Variants in CHMP4C observed in about 807,000 individuals in gnomAD.
CHMP4C encodes the protein SNF7 homolog associated with Alix 3.
Under a neutral mutation model 29.0 loss-of-function variants are expected in CHMP4C, and 28 were observed. The ratio of observed to expected loss-of-function variants is 0.97; its 90% confidence interval spans 0.72 to 1.32. The LOEUF is 1.32. CHMP4C is among the 40% of genes most tolerant of loss of function. CHMP4C has a pLI of 0.00. For missense variants in CHMP4C, 291 were observed against 281.0 expected (o/e 1.04, Z -0.25); for synonymous variants, 106 against 102.4 (o/e 1.04, Z -0.21).
chr8:81,758,195 G>C lies in CHMP4C; in HGVS notation c.537G>C (p.Lys179Asn), dbSNP rs776050101. The C allele has an allele frequency of 1.2e-6, 2 of 1,613,848 alleles. No homozygotes were observed. The highest frequency in any genetic ancestry group is 1.7e-6 in the Non-Finnish European group (2 of 1,179,858). Residue 179 changes from lysine to asparagine, a missense_variant, in exon 4 of 5, where the codon AAG (lysine) becomes AAC (asparagine). Lys to Asn is a moderately conservative substitution (Grantham distance 94). Coordinates refer to ENST00000297265, the MANE Select transcript of CHMP4C (RefSeq NM_152284.4). ...TGGAACAGGAGGAATTAAATAAGAAGATGACAAATATCCGCCTTCCAAATG... is the reference window on the plus strand; with the variant it reads ...TGGAACAGGAGGAATTAAATAAGAACATGACAAATATCCGCCTTCCAAATG... ...EELEQEELNK[K>N]MTNIRLPNVP...
chr8:81,737,204 G>A (rs759573570), intron 1 of CHMP4C, among the ~76,000 whole-genome samples: 17 of 152,232 alleles, frequency 1.1e-4, no homozygotes, highest in African/African-American at 3.1e-4. Flanking sequence ...TGAGCACTGC[G>A]TCTTAAATAG....
intron 4 of CHMP4C, 91 bp downstream of exon 4, chr8:81,758,386 A>G: frequency 1.3e-6 from 2 of 1,564,554 alleles, no homozygotes; most frequent in Non-Finnish European, 1.8e-6. Flanking sequence ...TTGATTTCAA[A>G]CTGAACACAT....
chr8:81,758,134 G>A lies in CHMP4C; in HGVS notation c.484-8G>A. The A allele has an allele frequency of 2.5e-6, 4 of 1,613,224 alleles. No homozygotes were observed. Among genetic ancestry groups the A allele is most frequent in the Middle Eastern group, 1.7e-4 (1 of 6,050 alleles). On this transcript the variant is annotated splice_polypyrimidine_tract_variant and splice_region_variant and intron_variant, in intron 3 of 4. Coordinates refer to ENST00000297265, the MANE Select transcript of CHMP4C (RefSeq NM_152284.4). ...AACTCCATAATTCTTCCTTTCTCCT[G>A]TGTTCAGGATGAGTTGATGGCAGAA...
At chr8:81,752,721 T>G (rs16909559) in intron 1 of CHMP4C, among the ~76,000 whole-genome samples, 14,698 of 152,240 alleles carry the variant, frequency 0.097, 915 homozygotes, top group East Asian at 0.24. Flanking sequence ...TGGTTTACTT[T>G]TCTATTGTAT....
At chr8:81,744,529 A>G (rs1040388342) in intron 1 of CHMP4C, among the ~76,000 whole-genome samples, 5 of 152,216 alleles carry the variant, frequency 3.3e-5, no homozygotes, top group Non-Finnish European at 7.3e-5. Flanking sequence ...CTGTTGAACA[A>G]GGTTACTGCT....
intron 1 of CHMP4C, among the ~76,000 whole-genome samples, chr8:81,738,797 T>C (rs1216699120): frequency 1.3e-5 from 2 of 152,242 alleles, no homozygotes; most frequent in Non-Finnish European, 2.9e-5. Context: ...TCAGATCACC[T>C]GCATCACAAT....
In CHMP4C at chr8:81,758,865, G is replaced by A. The variant is rs1809005595; in HGVS notation, c.*321G>A. 1 of 204,180 alleles carries A rather than the reference G, an allele frequency of 4.9e-6. No individual in the cohort carries two copies. The highest frequency in any genetic ancestry group is 2.3e-5 in the African/African-American group (1 of 42,786). 12.6% of individuals were successfully genotyped at this position (204,180 alleles called of 1,614,324 possible). Reference sequence around the variant, plus strand: ...AAAATACAAAAATTAGCCGGACATGGTGGCAGGCACCTGTAATCCCAGCTA... The same window carrying A: ...AAAATACAAAAATTAGCCGGACATGATGGCAGGCACCTGTAATCCCAGCTA... On this transcript the variant is annotated 3_prime_UTR_variant, in exon 5 of 5. Transcript: ENST00000297265.
chr8:81,753,234 G>A lies in CHMP4C; in HGVS notation c.361G>A (p.Glu121Lys), dbSNP rs1808930975. 6.2e-7 allele frequency: 1 copy of A among 1,600,226 alleles called. No homozygotes were observed. The highest frequency in any genetic ancestry group is 8.5e-7 in the Non-Finnish European group (1 of 1,173,608). ...FAAKAMKSVH[E>K]NMDLNKIDDL... ...AGCAAAAGCGATGAAATCTGTTCATGAAAACATGTGAGTGACTCTGGTCTC... is the reference window on the plus strand; with the variant it reads ...AGCAAAAGCGATGAAATCTGTTCATAAAAACATGTGAGTGACTCTGGTCTC... The change falls in exon 2 of 5, where the codon GAA becomes AAA. Residue 121 changes from glutamate (E) to lysine (K), a missense_variant. Glu to Lys is a moderately conservative substitution (Grantham distance 56). Transcript: ENST00000297265.
chr8:81,754,936 T>C (rs1808951380), intron 2 of CHMP4C, among the ~76,000 whole-genome samples: 1 of 152,088 alleles, frequency 6.6e-6, no homozygotes, highest in South Asian at 2.1e-4. Context: ...ACCCAGTGTT[T>C]AGCTTCAACA....
intron 1 of CHMP4C, among the ~76,000 whole-genome samples, chr8:81,750,540 G>A (rs771502793): frequency 2.4e-4 from 36 of 151,978 alleles, no homozygotes; most frequent in Non-Finnish European, 4.9e-4. Flanking sequence ...AGGAGTTCAA[G>A]GCTGCAGTGA....
chr8:81,754,473 T>C (rs1435966542), intron 2 of CHMP4C, among the ~76,000 whole-genome samples: 6 of 152,082 alleles, frequency 3.9e-5, no homozygotes, highest in African/African-American at 1.4e-4. Context: ...TGCATGAAAA[T>C]ATGTCAAAAT....
rs777604574 is a variant in CHMP4C, at chr8:81,758,307, A to G, written c.637+12A>G. 1.2e-6 allele frequency: 2 copies of G among 1,613,724 alleles called. No individual in the cohort carries two copies. Among genetic ancestry groups the G allele is most frequent in the Non-Finnish European group, 1.7e-6 (2 of 1,179,720 alleles). ...TCGATCCCGAGCAGGTCTGTTACCC[A>G]GCTCAACTACATGTGGTCAGATAGT... is the stretch of plus-strand genomic sequence containing the variant. On this transcript the variant is annotated intron_variant, in intron 4 of 4. Coordinates refer to ENST00000297265, the MANE Select transcript of CHMP4C (RefSeq NM_152284.4).
chr8:81,738,190 A>G (rs1808718350), intron 1 of CHMP4C, among the ~76,000 whole-genome samples: 1 of 152,196 alleles, frequency 6.6e-6, no homozygotes, highest in Non-Finnish European at 1.5e-5. Context: ...CCAAATATGT[A>G]AATATGTGAA....
chr8:81,758,230 C>T lies in CHMP4C; in HGVS notation c.572C>T (p.Ser191Phe). ...ATCCGCCTTCCAAATGTGCCTTCCT[C>T]TTCTCTCCCAGCACAGCCAAATAGA... ...TNIRLPNVPS[S>F]SLPAQPNRKP... Residue 191 changes from serine (S) to phenylalanine (F), a missense_variant, in exon 4 of 5, where the codon TCT becomes TTT. Ser to Phe is a radical substitution (Grantham distance 155). Transcript: ENST00000297265. 2 of 1,613,986 alleles carry T rather than the reference C, an allele frequency of 1.2e-6. No individual in the cohort carries two copies. Among genetic ancestry groups the T allele is most frequent in the Non-Finnish European group, 1.7e-6 (2 of 1,179,944 alleles).
intron 1 of CHMP4C, among the ~76,000 whole-genome samples, chr8:81,742,859 G>A (rs1032191156): frequency 5.9e-5 from 9 of 152,114 alleles, no homozygotes; most frequent in African/African-American, 2.2e-4. Context: ...AAGAGCCTAT[G>A]CTTTATCATT....
intron 1 of CHMP4C, among the ~76,000 whole-genome samples, chr8:81,748,637 A>G (rs907655225): frequency 6.6e-6 from 1 of 152,116 alleles, no homozygotes; most frequent in African/African-American, 2.4e-5. Context: ...AGTCTCAGAA[A>G]TAAGATATGC....
At chr8:81,740,274 T>C (rs1808746772) in intron 1 of CHMP4C, among the ~76,000 whole-genome samples, 1 of 152,198 alleles carries the variant, frequency 6.6e-6, no homozygotes, top group Non-Finnish European at 1.5e-5. Flanking sequence ...AATTTTTCCA[T>C]GGCTGTTTGG....
intron 1 of CHMP4C, among the ~76,000 whole-genome samples, chr8:81,743,429 A>G (rs1029111815): frequency 6.6e-6 from 1 of 152,052 alleles, no homozygotes; most frequent in African/African-American, 2.4e-5. Context: ...TTGTGGGGTT[A>G]TTAATAACAC....
chr8:81,733,027 TC>T, intron 1 of CHMP4C: 1 of 411,262 alleles, frequency 2.4e-6, no homozygotes. Context: ...GCCAAAAATC[TC>T]AGTAATCAAG....
Sources: gnomAD v4.1 joint callset for allele counts (sites outside exome capture counted in the v4.1 genomes callset) on GRCh38, gnomAD v4.1.1 for gene constraint, MANE v1.5 for transcripts, NCBI Gene and HGNC (gene_info 2026-07-23, HGNC 2026-07-21) for gene names.